LGALS8: variants seen among roughly 807,000 people sequenced by gnomAD.
The protein encoded by LGALS8 is galectin 8.
LGALS8 carries 30 observed loss-of-function variants against 35.9 expected under a neutral mutation model. That is an observed-to-expected ratio of 0.83 (90% CI 0.62 to 1.13). LGALS8 has a LOEUF of 1.13. LGALS8 is among the 50% of genes most tolerant of loss of function. LGALS8 has a pLI of 0.00. For missense variants in LGALS8, 366 were observed against 388.7 expected, an observed-to-expected ratio of 0.94 and a Z score of 0.49; for synonymous variants, 138 against 136.1, an observed-to-expected ratio of 1.01 and a Z score of -0.10.
In LGALS8 at chr1:236,540,628, C is replaced by A. The variant is rs1398993226; in HGVS notation, c.410C>A (p.Thr137Asn). 6.2e-7 allele frequency: 1 copy of A among 1,611,212 alleles called. No homozygotes were observed. The highest frequency in any genetic ancestry group is 1.3e-5 in the African/African-American group (1 of 74,708). ...GHRIGPEKID[T>N]LGIYGKVNIH... ...AGGATCGGCCCAGAGAAAATAGACA[C>A]TCTGGGCATTTATGGCAAAGTGAAT... The change falls in exon 5 of 10, where the codon ACT becomes AAT. Residue 137 changes from threonine (T) to asparagine (N), a missense_variant. Coordinates refer to ENST00000366584, the MANE Select transcript of LGALS8 (RefSeq NM_201544.4).
In LGALS8 at chr1:236,552,130, G is replaced by T. The variant is rs1018614616; in HGVS notation, c.*3969G>T. Reference sequence around the variant, plus strand: ...AACCTGAAAGGGATAAAAGAGCAAAGAAATAAAAAGTAGTGTTACTGTATT... The same window carrying T: ...AACCTGAAAGGGATAAAAGAGCAAATAAATAAAAAGTAGTGTTACTGTATT... On this transcript the variant is annotated 3_prime_UTR_variant, in exon 10 of 10. Transcript: ENST00000366584. 2.1e-6 allele frequency: 3 copies of T among 1,443,934 alleles called. No homozygotes were observed. Among genetic ancestry groups the T allele is most frequent in the African/African-American group, 1.4e-5 (1 of 71,578 alleles). The allele number at this position is 1,443,934 out of a possible 1,614,324, so 89.4% of individuals were successfully genotyped here.
chr1:236,518,692 G>A (rs764988421), upstream of LGALS8, among the ~76,000 whole-genome samples: 22 of 151,958 alleles, frequency 1.4e-4, no homozygotes, highest in Admixed American at 4.6e-4. Context: ...GTTCTGTGAC[G>A]GAGTTCTGGT....
chr1:236,523,965 C>T (rs532094345), upstream of LGALS8: 35 of 379,714 alleles, frequency 9.2e-5, no homozygotes, highest in Non-Finnish European at 1.3e-4. Flanking sequence ...TGTCGCTTCC[C>T]GTAGCCGCCC....
Position 236,538,973 on chromosome 1 carries a change from G to T in LGALS8, c.229G>T (p.Val77Phe). The change falls in exon 4 of 10, where the codon GTT becomes TTT. Residue 77 changes from valine to phenylalanine, a missense_variant. Coordinates refer to ENST00000366584, the MANE Select transcript of LGALS8 (RefSeq NM_201544.4). ...TCGTTTCAAAAGGGCCGGCTGCATTGTTTGCAATACTTTGATAAATGAAAA... is the reference window on the plus strand; with the variant it reads ...TCGTTTCAAAAGGGCCGGCTGCATTTTTTGCAATACTTTGATAAATGAAAA... ...NPRFKRAGCI[V>F]CNTLINEKWG... 6.2e-7 allele frequency: 1 copy of T among 1,614,150 alleles called. No homozygotes were observed. Among genetic ancestry groups the T allele is most frequent in the Non-Finnish European group, 8.5e-7 (1 of 1,180,038 alleles).
upstream of LGALS8, among the ~76,000 whole-genome samples, chr1:236,521,418 T>G (rs138872005): frequency 6.6e-6 from 1 of 152,260 alleles, no homozygotes; most frequent in African/African-American, 2.4e-5. Flanking sequence ...CTGTGGCTGC[T>G]GCAGAAAAAG....
chr1:236,526,228 C>T lies in LGALS8; in HGVS notation c.45+113C>T. ...TAAAAGCCAGTGAACATATTTAAAG[C>T]ACCTACTATGTAATAGAGATGGTGG... On this transcript the variant is annotated intron_variant, in intron 2 of 9. Transcript: ENST00000366584. This position sits in a 1 kb window ranked among gnomAD's most constrained non-coding sequence, Gnocchi z 4.6. 2.7e-6 allele frequency: 2 copies of T among 744,008 alleles called. No individual in the cohort carries two copies. The highest frequency in any genetic ancestry group is 3.4e-5 in the South Asian group (2 of 59,294). 46.1% of individuals were successfully genotyped at this position (744,008 alleles called of 1,614,324 possible).
intron 9 of LGALS8, among the ~76,000 whole-genome samples, chr1:236,546,509 T>C (rs928535258): frequency 4.0e-5 from 6 of 150,958 alleles, no homozygotes; most frequent in African/African-American, 1.5e-4. Context: ...AGTGTTGTAA[T>C]TTCATCTGTG....
chr1:236,547,641 A>C (rs1031555100), intron 9 of LGALS8, among the ~76,000 whole-genome samples: 23 of 135,322 alleles, frequency 1.7e-4, no homozygotes, highest in African/African-American at 4.5e-4. Context: ...ATTAGGAGTG[A>C]GTTTTCCTGC....
intron 9 of LGALS8, 154 bp downstream of exon 9, chr1:236,545,069 C>T (rs972916258): frequency 3.5e-5 from 18 of 510,738 alleles, no homozygotes; most frequent in African/African-American, 2.1e-4. Flanking sequence ...CTTTTTATAA[C>T]GTGGGCAATC....
At chr1:236,539,748 G>A (rs1451696730) in intron 4 of LGALS8, among the ~76,000 whole-genome samples, 1 of 152,188 alleles carries the variant, frequency 6.6e-6, no homozygotes, top group Admixed American at 6.5e-5. Context: ...GCTCCTGCCC[G>A]AAAGTCTTTC....
chr1:236,543,221 G>A, intron 7 of LGALS8: 1 of 642,284 alleles, frequency 1.6e-6, no homozygotes, highest in Non-Finnish European at 2.7e-6. Flanking sequence ...TATTTCCTCA[G>A]CACCTCCCTG....
intron 7 of LGALS8, chr1:236,543,064 T>G (rs1017232259): frequency 6.2e-6 from 10 of 1,607,024 alleles, no homozygotes; most frequent in Non-Finnish European, 8.5e-6. Flanking sequence ...CAAATTTTCT[T>G]AACTCTATAT....
intron 1 of LGALS8, chr1:236,524,272 A>G: frequency 4.4e-6 from 2 of 455,926 alleles, no homozygotes; most frequent in Non-Finnish European, 4.4e-6. Context: ...TCTGCAGGCG[A>G]GGCGCTCCGG....
At chr1:236,537,397 A>C in intron 2 of LGALS8, 100 bp from the exon 3 acceptor site, 1 of 751,264 alleles carries the variant, frequency 1.3e-6, no homozygotes, top group East Asian at 2.6e-5. Context: ...GCAGCCTTAA[A>C]AAGTGTAGTT....
rs191931077 is a variant in LGALS8, at chr1:236,549,535, T to A, written c.*1374T>A. ...AATACCATTGTCAATCTTATTTTTTTAAAAGTACTCAGTGTAGAAATCGCT... is the reference window on the plus strand; with the variant it reads ...AATACCATTGTCAATCTTATTTTTTAAAAAGTACTCAGTGTAGAAATCGCT... On this transcript the variant is annotated 3_prime_UTR_variant, in exon 10 of 10. Transcript: ENST00000366584. The A allele has an allele frequency of 6.6e-6, 1 of 152,360 alleles. No individual in the cohort carries two copies. Among genetic ancestry groups the A allele is most frequent in the African/African-American group, 2.4e-5 (1 of 41,588 alleles). The allele number at this position is 152,360 out of a possible 1,614,324, so 9.4% of individuals were successfully genotyped here. A position where few individuals can be genotyped will look rare whatever the true frequency, so the allele number is the denominator to read the frequency against.
intron 2 of LGALS8, among the ~76,000 whole-genome samples, chr1:236,535,272 G>A (rs1373583393): frequency 2.0e-5 from 3 of 151,638 alleles, no homozygotes; most frequent in Non-Finnish European, 4.4e-5. Context: ...TATCATTTTT[G>A]TCTGATTTCT....
rs1662675117 is a variant in LGALS8, at chr1:236,550,426, G to A, written c.*2265G>A. The A allele has an allele frequency of 6.6e-6, 1 of 152,568 alleles. No individual in the cohort carries two copies. 9.5% of individuals were successfully genotyped at this position (152,568 alleles called of 1,614,324 possible). A position where few individuals can be genotyped will look rare whatever the true frequency, so the allele number is the denominator to read the frequency against. ...GAAGTTCGCCTACCCAAAATGAAAAGTAGGCTTTACAGTCAAAAGTACTTC... is the reference window on the plus strand; with the variant it reads ...GAAGTTCGCCTACCCAAAATGAAAAATAGGCTTTACAGTCAAAAGTACTTC... On this transcript the variant is annotated 3_prime_UTR_variant, in exon 10 of 10. Transcript: ENST00000366584.
In LGALS8 at chr1:236,535,787, T is replaced by C. The variant is rs187873322; in HGVS notation, c.46-1710T>C. Among the ~76,000 whole-genome samples the C allele has an allele frequency of 1.5e-3, 233 of 152,366 alleles. 1 individual carries two copies. The Middle Eastern group carries it at 0.017, about 11-fold the overall frequency. Reference sequence around the variant, plus strand: ...CCATGACAACAAATAGATAATTGGCTTCCGTAATTTCTCATCTTATTGCCT... The same window carrying C: ...CCATGACAACAAATAGATAATTGGCCTCCGTAATTTCTCATCTTATTGCCT... On this transcript the variant is annotated intron_variant, in intron 2 of 9. Transcript: ENST00000366584.
chr1:236,547,675 C>T (rs890926767), intron 9 of LGALS8, among the ~76,000 whole-genome samples: 14 of 91,300 alleles, frequency 1.5e-4, no homozygotes, highest in East Asian at 5.2e-4. Context: ...CCAGCATCGG[C>T]GAGGAGGGGC....
Sources: gnomAD v4.1 joint callset for allele counts (sites outside exome capture counted in the v4.1 genomes callset) on GRCh38, gnomAD v4.1.1 for gene constraint, Gnocchi (gnomAD v3.1) non-coding constraint, MANE v1.5 for transcripts, NCBI Gene and HGNC (gene_info 2026-07-23, HGNC 2026-07-21) for gene names.